B3GALT1: variants seen among roughly 807,000 people sequenced by gnomAD.
The protein encoded by B3GALT1 is UDP-Gal:betaGlcNAc beta 1,3-galactosyltransferase, polypeptide 1.
Under a neutral mutation model 23.2 loss-of-function variants are expected in B3GALT1, and 10 were observed. The ratio of observed to expected loss-of-function variants is 0.43; its 90% confidence interval spans 0.27 to 0.73. The LOEUF (loss-of-function observed/expected upper bound fraction) is 0.73. B3GALT1 is among the 30% of genes least tolerant of loss of function. B3GALT1 has a pLI of 0.21. For missense variants in B3GALT1, 299 were observed against 405.4 expected, an observed-to-expected ratio of 0.74 and a Z score of 2.25; for synonymous variants, 156 against 141.5, an observed-to-expected ratio of 1.10 and a Z score of -0.73.
At chr2:167,727,998 C>G (rs570740101) in intron 3 of B3GALT1, among the ~76,000 whole-genome samples, 1 of 152,326 alleles carries the variant, frequency 6.6e-6, no homozygotes, top group East Asian at 1.9e-4. Flanking sequence ...CTTCTGCAAT[C>G]TAGTCCTGGA....
chr2:167,814,404 A>G (rs888476233), intron 3 of B3GALT1, among the ~76,000 whole-genome samples: 9 of 152,224 alleles, frequency 5.9e-5, no homozygotes, highest in Non-Finnish European at 1.3e-4. Flanking sequence ...TAGAGAAGCT[A>G]TAACAATACA....
Position 167,356,190 on chromosome 2 carries a change from A to G in B3GALT1, c.-511+62856A>G, listed in dbSNP as rs1697400266. Among the ~76,000 whole-genome samples the G allele has an allele frequency of 3.9e-5, 6 of 152,332 alleles. No individual in the cohort carries two copies. The South Asian group carries it at 1.2e-3, about 32-fold the overall frequency. Reference sequence around the variant, plus strand: ...TAGGTGGTAGGTTGATACTTCATTTATAATACAATATGAACAGTGATGTCT... The same window carrying G: ...TAGGTGGTAGGTTGATACTTCATTTGTAATACAATATGAACAGTGATGTCT... On this transcript the variant is annotated intron_variant, in intron 1 of 4. Transcript: ENST00000392690.
intron 3 of B3GALT1, chr2:167,714,998 T>C: frequency 6.2e-7 from 1 of 1,611,620 alleles, no homozygotes; most frequent in Non-Finnish European, 8.5e-7. Context: ...AGTCTGAAGA[T>C]TTTTAATATG....
At chr2:167,484,477 A>G (rs950297446) in intron 1 of B3GALT1, among the ~76,000 whole-genome samples, 6 of 152,182 alleles carry the variant, frequency 3.9e-5, no homozygotes, top group African/African-American at 1.4e-4. Context: ...AATCAATACT[A>G]TGAGTTATAC....
At chr2:167,387,543 A>G (rs1369689826) in intron 1 of B3GALT1, among the ~76,000 whole-genome samples, 1 of 152,244 alleles carries the variant, frequency 6.6e-6, no homozygotes, top group Non-Finnish European at 1.5e-5. Context: ...AAACTGAGCC[A>G]TTTAACTCAA....
chr2:167,412,544 A>G (rs1449200069), intron 1 of B3GALT1, among the ~76,000 whole-genome samples: 1 of 152,186 alleles, frequency 6.6e-6, no homozygotes, highest in African/African-American at 2.4e-5. Context: ...AATCTACAAC[A>G]TACCATACCA....
intron 1 of B3GALT1, among the ~76,000 whole-genome samples, chr2:167,361,322 G>A (rs1272294803): frequency 1.3e-5 from 2 of 151,488 alleles, no homozygotes; most frequent in Non-Finnish European, 2.9e-5. Context: ...TGCATACATG[G>A]AGGTGTCACA....
chr2:167,828,937 A>G (rs1240699561), intron 4 of B3GALT1, among the ~76,000 whole-genome samples: 2 of 152,336 alleles, frequency 1.3e-5, no homozygotes, highest in East Asian at 1.9e-4. Context: ...GACTGTCATC[A>G]TAAGTTGTCA....
rs141999527 is a variant in B3GALT1, at chr2:167,517,899, A to C, written c.-410+27622A>C. On this transcript the variant is annotated intron_variant, in intron 2 of 4. Coordinates refer to ENST00000392690, the MANE Select transcript of B3GALT1 (RefSeq NM_020981.4). ...AAAATCCTTAACTCTAATTTTATGA[A>C]CTATCCTTTTGATTGTGTGCCACTC... Among the ~76,000 whole-genome samples the C allele has an allele frequency of 1.0e-3, 154 of 152,216 alleles. 1 individual carries two copies. Among genetic ancestry groups the C allele is most frequent in the African/African-American group, 3.4e-3 (142 of 41,564 alleles).
chr2:167,846,205 C>T (rs1689757602), intron 4 of B3GALT1, among the ~76,000 whole-genome samples: 1 of 152,122 alleles, frequency 6.6e-6, no homozygotes. Flanking sequence ...GAAAACTTCC[C>T]TGCCTTGCTA....
chr2:167,666,522 G>GCA (rs1686191820), intron 3 of B3GALT1, among the ~76,000 whole-genome samples: 1 of 150,646 alleles, frequency 6.6e-6, no homozygotes, highest in Non-Finnish European at 1.5e-5. Context: ...TTTCTGTCTT[G>GCA]TTGATCTGTC....
chr2:167,544,863 C>T (rs947353800), intron 2 of B3GALT1, among the ~76,000 whole-genome samples: 3 of 151,850 alleles, frequency 2.0e-5, no homozygotes, highest in East Asian at 3.9e-4. Context: ...GGAATGAAGC[C>T]GTGGACCGCA....
intron 2 of B3GALT1, among the ~76,000 whole-genome samples, chr2:167,510,085 C>T (rs1011755880): frequency 1.3e-5 from 2 of 152,120 alleles, no homozygotes; most frequent in Admixed American, 6.6e-5. Flanking sequence ...AGCAGACTCA[C>T]AATGAATTAT....
At chr2:167,442,203 A>G (rs1299775387) in intron 1 of B3GALT1, among the ~76,000 whole-genome samples, 3 of 152,146 alleles carry the variant, frequency 2.0e-5, no homozygotes, top group Non-Finnish European at 4.4e-5. Flanking sequence ...TACAAAGGAC[A>G]TGAACTCATC....
At chr2:167,580,254 T>G (rs560525794) in intron 2 of B3GALT1, among the ~76,000 whole-genome samples, 39 of 152,244 alleles carry the variant, frequency 2.6e-4, no homozygotes, top group Middle Eastern at 3.4e-3. Flanking sequence ...ACAAAAATAC[T>G]TATGGAAATA....
At chr2:167,730,780 T>A (rs1465058952) in intron 3 of B3GALT1, among the ~76,000 whole-genome samples, 2 of 152,160 alleles carry the variant, frequency 1.3e-5, no homozygotes, top group Non-Finnish European at 2.9e-5. Context: ...GACCATAGAT[T>A]TTGGTCAGAA....
intron 2 of B3GALT1, among the ~76,000 whole-genome samples, chr2:167,541,824 A>G (rs1433033000): frequency 2.0e-5 from 3 of 152,156 alleles, no homozygotes; most frequent in Non-Finnish European, 4.4e-5. Context: ...TTTACATAGC[A>G]GTTAATCTCT....
chr2:167,785,697 G>T (rs1458942500), intron 3 of B3GALT1, among the ~76,000 whole-genome samples: 1 of 152,226 alleles, frequency 6.6e-6, no homozygotes. Context: ...GCTTCACTGA[G>T]CATTTAGCAG....
At chr2:167,735,455 A>G (rs1687477683) in intron 3 of B3GALT1, among the ~76,000 whole-genome samples, 2 of 152,246 alleles carry the variant, frequency 1.3e-5, no homozygotes, top group South Asian at 4.1e-4. Flanking sequence ...AAGTGTGAGA[A>G]TTCCAATCTA....
Sources: gnomAD v4.1 joint callset for allele counts (sites outside exome capture counted in the v4.1 genomes callset) on GRCh38, gnomAD v4.1.1 for gene constraint, MANE v1.5 for transcripts, NCBI Gene and HGNC (gene_info 2026-07-23, HGNC 2026-07-21) for gene names.